Variants in SNRPG observed in about 807,000 individuals in gnomAD.
The protein encoded by SNRPG is small nuclear ribonucleoprotein polypeptide G, also known as small nuclear ribonucleoprotein G.
SNRPG carries 3 observed loss-of-function variants against 13.9 expected under a neutral mutation model. The ratio of observed to expected loss-of-function variants is 0.22; its 90% CI spans 0.10 to 0.56. SNRPG has a LOEUF of 0.56. Among genes scored for constraint, SNRPG ranks in the 20% least tolerant of loss-of-function variants. The pLI is 0.93. For synonymous variants in SNRPG, 29 were observed against 29.3 expected, an observed-to-expected ratio of 0.99 and a Z score of 0.03; for missense variants, 34 against 96.1, an observed-to-expected ratio of 0.35 and a Z score of 2.70.
At chr2:70,285,414 ATAC>A (rs1288575529) in intron 3 of SNRPG, among the ~76,000 whole-genome samples, 1 of 152,132 alleles carries the variant, frequency 6.6e-6, no homozygotes, top group Non-Finnish European at 1.5e-5. Flanking sequence ...TCTACTAAAA[ATAC>A]AAAAATTAGC....
At chr2:70,284,350 A>G (rs936507220) in intron 3 of SNRPG, among the ~76,000 whole-genome samples, 7 of 152,094 alleles carry the variant, frequency 4.6e-5, no homozygotes, top group African/African-American at 1.7e-4. Context: ...GAGTAGAAAC[A>G]TGCTTACCTA....
At chr2:70,293,527 G>T in intron 1 of SNRPG, 91 bp downstream of exon 1, 2 of 1,095,202 alleles carry the variant, frequency 1.8e-6, no homozygotes, top group Non-Finnish European at 2.8e-6. Flanking sequence ...AAGTGAAGCG[G>T]CTCAAGACAT....
intron 3 of SNRPG, among the ~76,000 whole-genome samples, chr2:70,284,030 G>A (rs1004571306): frequency 3.9e-5 from 6 of 152,144 alleles, no homozygotes; most frequent in Admixed American, 6.6e-5. Flanking sequence ...ACTGCACTCC[G>A]GCCTCGGTGA....
intron 3 of SNRPG, among the ~76,000 whole-genome samples, chr2:70,284,147 G>A (rs1449678774): frequency 6.6e-6 from 1 of 152,188 alleles, no homozygotes; most frequent in Non-Finnish European, 1.5e-5. Context: ...CTTCTTCTAA[G>A]TTAACAGAGC....
Position 70,289,338 on chromosome 2 carries a change from CAACA to C in SNRPG, c.55+8_55+11del. The C allele has an allele frequency of 1.4e-6, 2 of 1,409,530 alleles. No homozygotes were observed. Among genetic ancestry groups the C allele is most frequent in the Non-Finnish European group, 2.0e-6 (2 of 1,014,672 alleles). 87.3% of individuals were successfully genotyped at this position (1,409,530 alleles called of 1,614,324 possible). ...ATAATTAAAAAAAACCCCAAAACAA[CAACA>C]AACTTACATGATAACTTCTTGTCCA... On this transcript the variant is annotated splice_region_variant and intron_variant, in intron 2 of 3. Coordinates refer to ENST00000272348, the MANE Select transcript of SNRPG (RefSeq NM_003096.4).
At chr2:70,284,029 C>T (rs570166659) in intron 3 of SNRPG, among the ~76,000 whole-genome samples, 10 of 152,272 alleles carry the variant, frequency 6.6e-5, no homozygotes, top group South Asian at 2.1e-4. Context: ...TACTGCACTC[C>T]GGCCTCGGTG....
intron 2 of SNRPG, 87 bp downstream of exon 2, chr2:70,289,263 T>A (rs1317790091): frequency 1.2e-5 from 10 of 853,002 alleles, no homozygotes; most frequent in Non-Finnish European, 1.7e-5. Context: ...GCTTTAAATT[T>A]TTATAAAGTT....
At chr2:70,288,025 A>T (rs1363632112) in intron 3 of SNRPG, 43 bp downstream of exon 3, 7 of 1,600,278 alleles carry the variant, frequency 4.4e-6, no homozygotes, top group Non-Finnish European at 2.6e-6. Context: ...ACATTCCAAA[A>T]GAAAAATGAA....
At chr2:70,283,760 C>G (rs1252110932) in intron 3 of SNRPG, among the ~76,000 whole-genome samples, 4 of 152,120 alleles carry the variant, frequency 2.6e-5, no homozygotes, top group African/African-American at 9.7e-5. Context: ...TAGTAAAGAG[C>G]AGATTTAAAA....
intron 3 of SNRPG, among the ~76,000 whole-genome samples, chr2:70,286,912 G>T (rs1270629285): frequency 6.6e-6 from 1 of 152,148 alleles, no homozygotes; most frequent in African/African-American, 2.4e-5. Flanking sequence ...AAATCTTGGG[G>T]TATCTAGAAA....
chr2:70,287,557 T>C (rs1353885192), intron 3 of SNRPG, among the ~76,000 whole-genome samples: 3 of 152,232 alleles, frequency 2.0e-5, no homozygotes, highest in Non-Finnish European at 4.4e-5. Flanking sequence ...ACTTTTACCT[T>C]GGCTACCTTA....
chr2:70,283,290 C>G (rs752307899), intron 3 of SNRPG, among the ~76,000 whole-genome samples: 1 of 151,738 alleles, frequency 6.6e-6, no homozygotes, highest in Non-Finnish European at 1.5e-5. Context: ...ATCGATAGAT[C>G]ACCCATCAGT....
At chr2:70,291,721 C>G (rs145923992) in intron 1 of SNRPG, among the ~76,000 whole-genome samples, 205 of 151,686 alleles carry the variant, frequency 1.4e-3, no homozygotes, top group African/African-American at 4.3e-3. Flanking sequence ...ATGAAACCTA[C>G]GAGGAAGAGA....
chr2:70,283,120 AAAAAC>A lies in SNRPG; in HGVS notation c.181-1441_181-1437del, dbSNP rs1479353223. 1.5e-3 allele frequency among the ~76,000 whole-genome samples: 218 copies of A among 148,624 alleles called. 4 individuals are homozygous for A. The highest frequency in any genetic ancestry group is 5.4e-3 in the African/African-American group (216 of 39,834). ...TCAAAAAAAAAAAAAAAAAAAAAAA[AAAAAC>A]AACAAACCAAAACCAAAACAAACCA... On this transcript the variant is annotated intron_variant, in intron 3 of 3. Transcript: ENST00000272348.
chr2:70,281,437 G>A lies in SNRPG; in HGVS notation c.*197C>T, dbSNP rs1199592791. ...ACCCTTTGAAATCAATGTCAACCAGGAAAATTCATGTTAGAAAAAACTGGA... is the reference window on the plus strand; with the variant it reads ...ACCCTTTGAAATCAATGTCAACCAGAAAAATTCATGTTAGAAAAAACTGGA... On this transcript the variant is annotated 3_prime_UTR_variant, in exon 4 of 4. Coordinates refer to ENST00000272348, the MANE Select transcript of SNRPG (RefSeq NM_003096.4). 3 of 408,110 alleles carry A rather than the reference G, an allele frequency of 7.4e-6. No homozygotes were observed. In the Admixed American group the frequency reaches 1.3e-4, roughly 18 times the overall value. The allele number at this position is 408,110 out of a possible 1,614,324, so 25.3% of individuals were successfully genotyped here. A position where few individuals can be genotyped will look rare whatever the true frequency, so the allele number is the denominator to read the frequency against.
rs969425357 is a variant in SNRPG, at chr2:70,293,405, G to T, written c.32+213C>A. The T allele has an allele frequency of 2.4e-5, 15 of 635,990 alleles. No individual in the cohort carries two copies. In the South Asian group the frequency reaches 2.7e-4, roughly 11 times the overall value. The allele number at this position is 635,990 out of a possible 1,614,324, so 39.4% of individuals were successfully genotyped here. ...GGAGACTAGTCGGCCGGAAGGAGGTGCCGTGGCTGCCGGCTGTAACCACAC... is the reference window on the plus strand; with the variant it reads ...GGAGACTAGTCGGCCGGAAGGAGGTTCCGTGGCTGCCGGCTGTAACCACAC... On this transcript the variant is annotated intron_variant, in intron 1 of 3. Coordinates refer to ENST00000272348, the MANE Select transcript of SNRPG (RefSeq NM_003096.4).
intron 3 of SNRPG, among the ~76,000 whole-genome samples, chr2:70,286,727 A>ATC (rs1159854751): frequency 6.6e-6 from 1 of 152,224 alleles, no homozygotes; most frequent in Admixed American, 6.5e-5. Context: ...CTTCTCTGAT[A>ATC]AAATTCCAAT....
chr2:70,287,068 G>A (rs759990539), intron 3 of SNRPG, among the ~76,000 whole-genome samples: 7 of 152,086 alleles, frequency 4.6e-5, no homozygotes, highest in Middle Eastern at 3.2e-3. Context: ...TGTTTTTTCA[G>A]TCATAACTAT....
intron 1 of SNRPG, among the ~76,000 whole-genome samples, 182 bp from the exon 2 acceptor site, chr2:70,289,554 G>A (rs1697027375): frequency 6.6e-6 from 1 of 152,218 alleles, no homozygotes; most frequent in South Asian, 2.1e-4. Flanking sequence ...GCTCACGCCT[G>A]TAATCCCAGC....
Sources: allele counts gnomAD v4.1 joint callset (sites outside exome capture counted in the v4.1 genomes callset), GRCh38; gene constraint gnomAD v4.1.1; transcripts MANE v1.5; gene names NCBI Gene and HGNC (gene_info 2026-07-23, HGNC 2026-07-21).